Variants in TMEM232 observed in about 807,000 individuals in gnomAD.
TMEM232 encodes transmembrane protein 232.
A neutral mutation model predicts 78.8 loss-of-function variants in TMEM232; 80 were observed. The observed-to-expected ratio is 1.01, with a 90% confidence interval of 0.85 to 1.22. The LOEUF is 1.22. Among genes scored for constraint, TMEM232 ranks in the 50% most tolerant of loss-of-function variants. The probability of loss-of-function intolerance (pLI) is 0.00; values close to 1 mark genes in which losing one functional copy is unlikely to be tolerated. For missense variants in TMEM232, 881 were observed against 742.2 expected (o/e 1.19, Z -2.17); for synonymous variants, 297 against 254.3 (o/e 1.17, Z -1.60).
chr5:110,482,294 A>G (rs1763955278), intron 12 of TMEM232, among the ~76,000 whole-genome samples: 1 of 152,114 alleles, frequency 6.6e-6, no homozygotes, highest in Non-Finnish European at 1.5e-5. Context: ...AAAAAAATTT[A>G]ATTTGGCCTG....
chr5:110,681,819 C>A (rs1580644819), intron 1 of TMEM232, among the ~76,000 whole-genome samples: 1 of 152,102 alleles, frequency 6.6e-6, no homozygotes, highest in African/African-American at 2.4e-5. Flanking sequence ...GAGTCTTGAA[C>A]CATCTATTAA....
intron 12 of TMEM232, among the ~76,000 whole-genome samples, chr5:110,505,000 A>T (rs1264183814): frequency 6.6e-6 from 1 of 152,242 alleles, no homozygotes; most frequent in East Asian, 1.9e-4. Context: ...GTTAATTCTT[A>T]TTCATGTATA....
At chr5:110,667,795 T>G (rs1473154720) in intron 1 of TMEM232, 1 of 152,348 alleles carries the variant, frequency 6.6e-6, no homozygotes, top group Non-Finnish European at 1.5e-5. Context: ...TAGGAAACTT[T>G]ATGTAATCAC....
intron 12 of TMEM232, among the ~76,000 whole-genome samples, chr5:110,525,937 G>A (rs900642751): frequency 1.4e-5 from 2 of 146,124 alleles, no homozygotes; most frequent in African/African-American, 2.5e-5. Flanking sequence ...ATTAAAATCA[G>A]GAAAATTGTT....
At chr5:110,562,570 C>T (rs770249283) in intron 11 of TMEM232, among the ~76,000 whole-genome samples, 8 of 151,918 alleles carry the variant, frequency 5.3e-5, no homozygotes, top group Non-Finnish European at 1.0e-4. Flanking sequence ...ACTTTATGAA[C>T]TTTGATGTAG....
intron 12 of TMEM232, among the ~76,000 whole-genome samples, chr5:110,426,708 C>T (rs1638300323): frequency 6.6e-6 from 1 of 151,878 alleles, no homozygotes; most frequent in Non-Finnish European, 1.5e-5. Flanking sequence ...CAGAATAGGG[C>T]CTTTAGCCAT....
rs1233091446 is a variant in TMEM232 at position 110,627,716 on chromosome 5, A to G, written c.601+65T>C. 2 of 1,114,030 alleles carry G rather than the reference A, an allele frequency of 1.8e-6. 1 individual carries two copies. The highest frequency in any genetic ancestry group is 3.3e-5 in the South Asian group (2 of 60,984). The allele number at this position is 1,114,030 out of a possible 1,614,324, so 69.0% of individuals were successfully genotyped here. On this transcript the variant is annotated intron_variant, in intron 6 of 13. Transcript: ENST00000455884. The stretch of plus-strand genomic sequence containing the variant: ...AATGCAGCTTACGTTCTTTATAGTG[A>G]CAGTCTGAGCTTATCAAAATATAAC...
chr5:110,527,318 A>G (rs1434033181), intron 12 of TMEM232, among the ~76,000 whole-genome samples: 1 of 151,940 alleles, frequency 6.6e-6, no homozygotes, highest in Admixed American at 6.6e-5. Context: ...GTGAGTTTAC[A>G]TATTAATCCA....
intron 1 of TMEM232, among the ~76,000 whole-genome samples, chr5:110,684,559 A>G (rs890574802): frequency 6.6e-6 from 1 of 152,122 alleles, no homozygotes; most frequent in Non-Finnish European, 1.5e-5. Flanking sequence ...ATGTTAGAGA[A>G]AGAGGTTTGT....
chr5:110,602,185 C>CA (rs1780998164), intron 10 of TMEM232, among the ~76,000 whole-genome samples: 1 of 151,978 alleles, frequency 6.6e-6, no homozygotes, highest in African/African-American at 2.4e-5. Flanking sequence ...TCTAAAACCA[C>CA]AAAAACCCTA....
chr5:110,610,683 T>A lies in TMEM232; in HGVS notation c.903-4396A>T, dbSNP rs530893140. On this transcript the variant is annotated intron_variant, in intron 8 of 13. Coordinates refer to ENST00000455884, the MANE Select transcript of TMEM232 (RefSeq NM_001039763.4). ...TCCTAAAAAATTCTGGACTGAAAATTAAACATATAAAAACAAGAGGACTGA... is the reference window on the plus strand; with the variant it reads ...TCCTAAAAAATTCTGGACTGAAAATAAAACATATAAAAACAAGAGGACTGA... 4 of 385,718 alleles carry A rather than the reference T, an allele frequency of 1.0e-5. No homozygotes were observed. In the Admixed American group the frequency reaches 1.4e-4, roughly 14 times the overall value. 23.9% of individuals were successfully genotyped at this position (385,718 alleles called of 1,614,324 possible).
chr5:110,587,683 ATATATATATG>A (rs1276575361), intron 10 of TMEM232, among the ~76,000 whole-genome samples: 3 of 92,014 alleles, frequency 3.3e-5, no homozygotes, highest in East Asian at 4.2e-4. Context: ...ATATATATAT[ATATATATATG>A]TGTGTGTGTG....
At chr5:110,655,989 T>A (rs1394696462) in intron 2 of TMEM232, among the ~76,000 whole-genome samples, 1 of 151,096 alleles carries the variant, frequency 6.6e-6, no homozygotes, top group Non-Finnish European at 1.5e-5. Context: ...CACACCAGCA[T>A]GGCACATGTA....
At position 110,440,762 on chromosome 5, in the gene TMEM232, T is replaced by A. The variant is rs114032963; in HGVS notation, c.1704-15846A>T. On this transcript the variant is annotated intron_variant, in intron 12 of 13. Transcript: ENST00000455884. ...GTGTATTGAGGCAACCTACGCACTA[T>A]CTTCTTGCCTCTGGTGCTGCTTTTG... Among the ~76,000 whole-genome samples the A allele has an allele frequency of 1.8e-3, 272 of 152,310 alleles. 2 individuals carry two copies. The highest frequency in any genetic ancestry group is 6.2e-3 in the African/African-American group (257 of 41,578).
chr5:110,495,772 T>C (rs1335997676), intron 12 of TMEM232, among the ~76,000 whole-genome samples: 1 of 151,782 alleles, frequency 6.6e-6, no homozygotes, highest in Non-Finnish European at 1.5e-5. Context: ...AATGTCACAT[T>C]TGTAAACTTT....
chr5:110,535,573 T>C (rs1044037176), intron 11 of TMEM232, among the ~76,000 whole-genome samples: 3 of 152,120 alleles, frequency 2.0e-5, no homozygotes, highest in African/African-American at 7.2e-5. Flanking sequence ...TATTCTTCAT[T>C]GTAGAAAAAT....
At chr5:110,600,431 AG>A (rs1780742748) in intron 10 of TMEM232, among the ~76,000 whole-genome samples, 1 of 152,188 alleles carries the variant, frequency 6.6e-6, no homozygotes, top group African/African-American at 2.4e-5. Context: ...CTATTACAGA[AG>A]AAAAGAGAGA....
intron 1 of TMEM232, among the ~76,000 whole-genome samples, chr5:110,678,963 T>C (rs572342578): frequency 1.3e-4 from 20 of 152,354 alleles, no homozygotes; most frequent in African/African-American, 3.4e-4. Flanking sequence ...TTAAGAATTA[T>C]AAAGCTGCTA....
At chr5:110,689,331 T>G (rs1793808707) in intron 1 of TMEM232, among the ~76,000 whole-genome samples, 1 of 152,220 alleles carries the variant, frequency 6.6e-6, no homozygotes, top group South Asian at 2.1e-4. Context: ...TACATATATA[T>G]GTTCATCAAC....
Sources: gnomAD v4.1 joint callset for allele counts (sites outside exome capture counted in the v4.1 genomes callset) on GRCh38, gnomAD v4.1.1 for gene constraint, MANE v1.5 for transcripts, NCBI Gene and HGNC (gene_info 2026-07-23, HGNC 2026-07-21) for gene names.